The following MTFR1 variants were observed in gnomAD, a reference collection of about 807,000 sequenced individuals.
MTFR1 encodes mitochondrial fission regulator 1, also known as chondrocyte protein with a poly-proline region.
MTFR1 carries 28 observed loss-of-function variants against 38.8 expected under a neutral mutation model. That is an observed-to-expected ratio of 0.72 (90% confidence interval 0.53 to 0.99). MTFR1 has a LOEUF of 0.99. MTFR1 is among the 50% of genes least tolerant of loss of function. MTFR1 has a pLI of 0.00. For missense variants in MTFR1, 358 were observed against 395.5 expected (o/e 0.91, Z 0.81); for synonymous variants, 145 against 137.0 (o/e 1.06, Z -0.41).
chr8:65,699,974 AG>A (rs1434278004), intron 4 of MTFR1, among the ~76,000 whole-genome samples: 2 of 152,246 alleles, frequency 1.3e-5, no homozygotes, highest in African/African-American at 4.8e-5. Flanking sequence ...CCAGGAAAAC[AG>A]GATACATATG....
At chr8:65,742,137 T>C (rs1262998648) in intron 3 of MTFR1, among the ~76,000 whole-genome samples, 1 of 152,180 alleles carries the variant, frequency 6.6e-6, no homozygotes, top group Non-Finnish European at 1.5e-5. Flanking sequence ...AAAATGGAAA[T>C]GGAAACACTT....
At chr8:65,765,961 T>A (rs938889590) in intron 3 of MTFR1, among the ~76,000 whole-genome samples, 10 of 152,232 alleles carry the variant, frequency 6.6e-5, no homozygotes, top group African/African-American at 2.4e-4. Flanking sequence ...TTATTTATTT[T>A]TTGAGATGGA....
intron 1 of MTFR1, among the ~76,000 whole-genome samples, chr8:65,648,517 C>A (rs1809028236): frequency 6.6e-6 from 1 of 152,128 alleles, no homozygotes; most frequent in African/African-American, 2.4e-5. Flanking sequence ...TGAAACAATT[C>A]CTTCATTTAT....
chr8:65,651,420 GTTTCATAGT>G (rs1809120363), intron 1 of MTFR1, among the ~76,000 whole-genome samples: 1 of 152,150 alleles, frequency 6.6e-6, no homozygotes, highest in Non-Finnish European at 1.5e-5. Flanking sequence ...TCTTGCAGTA[GTTTCATAGT>G]TTGAGGTCTT....
At chr8:65,646,471 A>G (rs1056540810) in intron 1 of MTFR1, among the ~76,000 whole-genome samples, 1 of 152,204 alleles carries the variant, frequency 6.6e-6, no homozygotes, top group Non-Finnish European at 1.5e-5. Flanking sequence ...GAAAATTTAC[A>G]CAAATACAAA....
At chr8:65,776,941 A>G in the MTFR1 span, among the ~76,000 whole-genome samples, 1 of 152,228 alleles carries the variant, frequency 6.6e-6, no homozygotes, top group Non-Finnish European at 1.5e-5. Context: ...TCGCAGAAAG[A>G]ATGTTTTAAT....
chr8:65,667,149 G>T (rs994476396), intron 1 of MTFR1, among the ~76,000 whole-genome samples: 42 of 151,964 alleles, frequency 2.8e-4, no homozygotes, highest in Non-Finnish European at 3.4e-4. Flanking sequence ...GGTGGTGCAT[G>T]CCTGTACTCC....
In MTFR1 at chr8:65,667,215, G is replaced by A. The variant is rs551726323; in HGVS notation, c.-80-2658G>A. Among the ~76,000 whole-genome samples the A allele has an allele frequency of 1.3e-5, 2 of 151,676 alleles. 1 individual carries two copies. The highest frequency in any genetic ancestry group is 1.3e-4 in the Admixed American group (2 of 15,210). On this transcript the variant is annotated intron_variant, in intron 1 of 7. Transcript: ENST00000262146. ...TGCTTGAACCCGTGAGGCAAAGGTT[G>A]CAGTGAGCCAAGATTGCACCATTGT...
At chr8:65,763,029 G>GTGTGTGTC (rs1808590223) in intron 3 of MTFR1, among the ~76,000 whole-genome samples, 2 of 146,092 alleles carry the variant, frequency 1.4e-5, no homozygotes, top group African/African-American at 5.0e-5. Flanking sequence ...GTGTGTGTGT[G>GTGTGTGTC]TGTGTGTGTA....
chr8:65,681,408 C>T (rs921778857), intron 2 of MTFR1, among the ~76,000 whole-genome samples: 1 of 152,232 alleles, frequency 6.6e-6, no homozygotes, highest in Non-Finnish European at 1.5e-5. Context: ...GCAGGAGCCG[C>T]CGCACCTGGC....
rs181316326 is a variant in MTFR1, at chr8:65,733,258, C to T, written c.*48+13777C>T. 3.3e-5 allele frequency among the ~76,000 whole-genome samples: 5 copies of T among 152,302 alleles called. No individual in the cohort carries two copies. The East Asian group carries it at 9.7e-4, about 29-fold the overall frequency. On this transcript the variant is annotated intron_variant, in intron 3 of 3. Transcript: ENST00000521247. ...CTCACCTGGCATCACCCAGATTTCC[C>T]TGCCCCTGGCTTGGGTTGGGTGTGC...
rs1805215296 is a variant in MTFR1, at chr8:65,689,726, CATTGTCCTGGAA to C, written c.166-3909_166-3898del. 4.5e-5 allele frequency: 20 copies of C among 446,558 alleles called. 1 individual carries two copies. In the South Asian group the frequency reaches 7.8e-4, roughly 17 times the overall value. The allele number at this position is 446,558 out of a possible 1,614,324, so 27.7% of individuals were successfully genotyped here. On this transcript the variant is annotated intron_variant, in intron 3 of 7. Coordinates refer to ENST00000262146, the MANE Select transcript of MTFR1 (RefSeq NM_014637.4). ...ACCTTGACTTGTACTTTACTAAGTG[CATTGTCCTGGAA>C]ATTGTCCTTTGCATCCCATGCCTGT...
chr8:65,698,409 G>T (rs527570041), intron 4 of MTFR1, among the ~76,000 whole-genome samples: 1 of 151,970 alleles, frequency 6.6e-6, no homozygotes, highest in Admixed American at 6.6e-5. Flanking sequence ...CAAAGTGCTG[G>T]GATTACAGGT....
intron 2 of MTFR1, among the ~76,000 whole-genome samples, chr8:65,670,843 T>C (rs1218877300): frequency 6.6e-6 from 1 of 152,106 alleles, no homozygotes; most frequent in African/African-American, 2.4e-5. Context: ...TAGCTGGGAT[T>C]ACAGGCTCAC....
chr8:65,702,297 C>CTTTTTTTTTTT (rs530863447), intron 4 of MTFR1, among the ~76,000 whole-genome samples: 9 of 110,268 alleles, frequency 8.2e-5, no homozygotes, highest in Non-Finnish European at 9.7e-5. Context: ...TTCTTTCTTT[C>CTTTTTTTTTTT]TTTTTTTTTT....
intron 3 of MTFR1, among the ~76,000 whole-genome samples, chr8:65,769,491 C>T (rs2128919638): frequency 6.6e-6 from 1 of 152,322 alleles, no homozygotes; most frequent in African/African-American, 2.4e-5. Context: ...ATCCCTCTAT[C>T]TTGTGTAACC....
intron 3 of MTFR1, chr8:65,722,665 A>G (rs1806435771): frequency 1.3e-5 from 2 of 152,238 alleles, no homozygotes; most frequent in African/African-American, 4.8e-5. Context: ...AACTCCTGCA[A>G]CAAGCTACAC....
intron 3 of MTFR1, among the ~76,000 whole-genome samples, chr8:65,687,342 G>T (rs1805117203): frequency 1.6e-5 from 2 of 125,994 alleles, no homozygotes; most frequent in East Asian, 4.4e-4. Context: ...TAATCTTAAA[G>T]AATACTTTTT....
chr8:65,690,051 G>A (rs1056655704), intron 3 of MTFR1, among the ~76,000 whole-genome samples: 2 of 152,030 alleles, frequency 1.3e-5, no homozygotes, highest in South Asian at 4.1e-4. Context: ...GGAATAGTTT[G>A]TTGTATCTTG....
Sources: allele counts gnomAD v4.1 joint callset (sites outside exome capture counted in the v4.1 genomes callset), GRCh38; gene constraint gnomAD v4.1.1; transcripts MANE v1.5; gene names NCBI Gene and HGNC (gene_info 2026-07-23, HGNC 2026-07-21).